Variants in IRAG2 observed in about 807,000 individuals in gnomAD.
IRAG2 encodes lymphoid restricted membrane protein.
Under a neutral mutation model 69.9 loss-of-function variants are expected in IRAG2, and 45 were observed. The ratio of observed to expected loss-of-function variants is 0.64; its 90% CI spans 0.51 to 0.83. The LOEUF is 0.83. Ranked by LOEUF, IRAG2 falls within the 40% of genes least tolerant of loss-of-function variation. The pLI, the probability that IRAG2 is intolerant of heterozygous loss-of-function variation, is 0.00. For missense variants in IRAG2, 520 were observed against 587.0 expected (o/e 0.89, Z 1.18); for synonymous variants, 193 against 202.4 (o/e 0.95, Z 0.40).
chr12:25,059,240 G>A (rs1250889857), intron 1 of IRAG2, among the ~76,000 whole-genome samples: 1 of 151,400 alleles, frequency 6.6e-6, no homozygotes, highest in African/African-American at 2.4e-5. Flanking sequence ...GGAGCACAGG[G>A]CCTTCCTTCT....
intron 9 of IRAG2, among the ~76,000 whole-genome samples, chr12:25,027,420 A>G (rs1244946198): frequency 6.8e-6 from 1 of 148,096 alleles, no homozygotes; most frequent in Non-Finnish European, 1.5e-5. Context: ...TTTGAGACAG[A>G]ATCTCGCTCT....
intron 6 of IRAG2, chr12:25,076,320 T>C: frequency 1.3e-6 from 1 of 749,320 alleles, no homozygotes; most frequent in Non-Finnish European, 1.6e-6. Context: ...ATCACATAAT[T>C]ATTTGTTTAA....
chr12:25,012,569 T>C (rs1464468087), intron 3 of IRAG2, among the ~76,000 whole-genome samples: 1 of 152,110 alleles, frequency 6.6e-6, no homozygotes, highest in East Asian at 1.9e-4. Context: ...GGCTCACACC[T>C]GTAATCCCAG....
At chr12:25,052,987 T>C (rs543405678) in intron 1 of IRAG2, 31 bp downstream of exon 1, 1 of 398,384 alleles carries the variant, frequency 2.5e-6, no homozygotes, top group African/African-American at 2.1e-5. Flanking sequence ...TATGACCCAG[T>C]TTTTGTCCAC....
intron 2 of IRAG2, among the ~76,000 whole-genome samples, chr12:25,010,018 G>A (rs1944462719): frequency 6.6e-6 from 1 of 152,124 alleles, no homozygotes; most frequent in Non-Finnish European, 1.5e-5. Flanking sequence ...CCAAAATAAT[G>A]TATAACCAAA....
At chr12:25,089,513 A>T in intron 11 of IRAG2, 101 bp from the exon 12 acceptor site, 1 of 666,058 alleles carries the variant, frequency 1.5e-6, no homozygotes, top group Non-Finnish European at 2.6e-6. Context: ...AGACATATTT[A>T]AATGAAATAC....
At chr12:25,021,611 G>T (rs778249930) in intron 7 of IRAG2, among the ~76,000 whole-genome samples, 21 of 152,142 alleles carry the variant, frequency 1.4e-4, no homozygotes, top group South Asian at 2.1e-4. Context: ...TATTGAGAAG[G>T]TTCAACTGTT....
chr12:25,040,313 G>T (rs973438354), intron 16 of IRAG2, among the ~76,000 whole-genome samples: 5 of 152,200 alleles, frequency 3.3e-5, no homozygotes, highest in African/African-American at 9.6e-5. Context: ...GTTCAGACCT[G>T]CCTGGGCAAC....
chr12:25,104,628 T>C (rs1948931769), intron 20 of IRAG2, among the ~76,000 whole-genome samples, 166 bp downstream of exon 20: 1 of 152,238 alleles, frequency 6.6e-6, no homozygotes, highest in Admixed American at 6.5e-5. Context: ...TATTTGTGAA[T>C]ATTAATACAT....
rs563970265 is a variant in IRAG2, at chr12:25,059,491, A to G, written c.-446-2101A>G. Among the ~76,000 whole-genome samples, 319 of 152,172 alleles carry G rather than the reference A, an allele frequency of 2.1e-3. 1 individual carries two copies. The highest frequency in any genetic ancestry group is 7.4e-3 in the African/African-American group (306 of 41,520). ...CTCAGCCTCCTGAGTAGGTGGGACT[A>G]CAGGTGTGTGCTACCATGCCTGGCT... On this transcript the variant is annotated intron_variant, in intron 1 of 21. Transcript: ENST00000556887.
intron 13 of IRAG2, 132 bp downstream of exon 13, chr12:25,089,922 G>T: frequency 7.8e-7 from 1 of 1,283,012 alleles, no homozygotes; most frequent in South Asian, 1.2e-5. Flanking sequence ...CAGTGCAGGT[G>T]AACCCTGTGC....
At chr12:25,040,793 T>C (rs1296593247) in intron 16 of IRAG2, among the ~76,000 whole-genome samples, 2 of 152,146 alleles carry the variant, frequency 1.3e-5, no homozygotes, top group Non-Finnish European at 1.5e-5. Context: ...ACGACATCCG[T>C]CAGGATGTCC....
intron 16 of IRAG2, among the ~76,000 whole-genome samples, chr12:25,044,409 GTCCT>G (rs1299234760): frequency 6.6e-6 from 1 of 152,066 alleles, no homozygotes; most frequent in East Asian, 1.9e-4. Flanking sequence ...GCAGTAGTAA[GTCCT>G]TCCCTATCAA....
chr12:25,010,161 C>T (rs1204986792), intron 2 of IRAG2, among the ~76,000 whole-genome samples: 1 of 152,122 alleles, frequency 6.6e-6, no homozygotes, highest in African/African-American at 2.4e-5. Flanking sequence ...AGCTTGCTTT[C>T]CAGTTCTTCT....
Position 25,079,759 on chromosome 12 carries a change from C to T in IRAG2, c.240C>T (p.Ala80=). ...DTRSASPTIE[A]QGTSPAHDNI... is the part of the protein sequence containing the mutation. ...GATCAGCTTCTCCCACGATAGAGGCCCAAGGTAAAATGTTGACAGGTGTAA... is the reference window on the plus strand; with the variant it reads ...GATCAGCTTCTCCCACGATAGAGGCTCAAGGTAAAATGTTGACAGGTGTAA... Residue 80 remains alanine, a synonymous_variant, in exon 9 of 22, where the codon GCC becomes GCT. Coordinates refer to ENST00000556887, the MANE Select transcript of IRAG2 (RefSeq NM_001366544.2). 1.2e-6 allele frequency: 2 copies of T among 1,608,112 alleles called. No homozygotes were observed. Among genetic ancestry groups the T allele is most frequent in the Non-Finnish European group, 1.7e-6 (2 of 1,174,654 alleles).
intron 9 of IRAG2, among the ~76,000 whole-genome samples, chr12:25,082,622 A>ACAAAC (rs200040561): frequency 7.1e-6 from 1 of 139,946 alleles, no homozygotes; most frequent in East Asian, 2.5e-4. Context: ...AAAAACAAAA[A>ACAAAC]CAAACAAAAC....
Position 25,107,694 on chromosome 12 carries a change from T to C in IRAG2, c.1257-123T>C, listed in dbSNP as rs896188590. ...AAAACCAAAATGATAAATCATAATA[T>C]GTAGATTAAAAGGCAGTTTTGGGGG... On this transcript the variant is annotated intron_variant, in intron 21 of 21. Transcript: ENST00000556887. 6 of 830,490 alleles carry C rather than the reference T, an allele frequency of 7.2e-6. No homozygotes were observed. The Admixed American group carries it at 9.4e-5, about 13-fold the overall frequency. 51.4% of individuals were successfully genotyped at this position (830,490 alleles called of 1,614,324 possible). A position where few individuals can be genotyped will look rare whatever the true frequency, so the allele number is the denominator to read the frequency against.
chr12:25,089,064 A>G (rs182630811), intron 11 of IRAG2, among the ~76,000 whole-genome samples: 174 of 152,326 alleles, frequency 1.1e-3, no homozygotes, highest in African/African-American at 3.6e-3. Flanking sequence ...TTTAAATCCA[A>G]TGCTCTTAAT....
intron 3 of IRAG2, among the ~76,000 whole-genome samples, chr12:25,013,030 A>G (rs1944489532): frequency 6.6e-6 from 1 of 152,234 alleles, no homozygotes; most frequent in Non-Finnish European, 1.5e-5. Flanking sequence ...TCTACCCATG[A>G]GTTTAACAAA....
Sources: gnomAD v4.1 joint callset for allele counts (sites outside exome capture counted in the v4.1 genomes callset) on GRCh38, gnomAD v4.1.1 for gene constraint, MANE v1.5 for transcripts, NCBI Gene and HGNC (gene_info 2026-07-23, HGNC 2026-07-21) for gene names.